LINGO2: variants seen among roughly 807,000 people sequenced by gnomAD.
The protein encoded by LINGO2 is leucine-rich repeat and immunoglobulin-like domain-containing nogo receptor-interacting protein 2.
LINGO2 carries 14 observed loss-of-function variants against 30.6 expected under a neutral mutation model. The ratio of observed to expected loss-of-function variants is 0.46; its 90% CI spans 0.30 to 0.72. The LOEUF is 0.72. Among genes scored for constraint, LINGO2 ranks in the 30% least tolerant of loss-of-function variants. LINGO2 has a pLI of 0.07. For synonymous variants in LINGO2, 317 were observed against 288.5 expected, an observed-to-expected ratio of 1.10 and a Z score of -1.00; for missense variants, 729 against 751.7, an observed-to-expected ratio of 0.97 and a Z score of 0.35.
the LINGO2 span, among the ~76,000 whole-genome samples, chr9:28,873,760 G>C: frequency 6.6e-6 from 1 of 152,038 alleles, no homozygotes; most frequent in South Asian, 2.1e-4. Context: ...AAAAGTAGCT[G>C]TTTTTATTTA....
chr9:28,355,853 T>G (rs1210987883), intron 3 of LINGO2, among the ~76,000 whole-genome samples: 1 of 152,176 alleles, frequency 6.6e-6, no homozygotes, highest in Non-Finnish European at 1.5e-5. Context: ...GTTTGATTTA[T>G]TGTTGCCAGC....
the LINGO2 span, among the ~76,000 whole-genome samples, chr9:28,688,686 C>T: frequency 3.9e-5 from 6 of 152,072 alleles, no homozygotes; most frequent in Admixed American, 1.3e-4. Flanking sequence ...CACAACTAAG[C>T]GCAGGCAGGC....
At chr9:28,987,707 T>TA in the LINGO2 span, among the ~76,000 whole-genome samples, 1 of 152,160 alleles carries the variant, frequency 6.6e-6, no homozygotes, top group Non-Finnish European at 1.5e-5. Context: ...GAACTCTTTT[T>TA]TCTACATCCC....
At chr9:29,199,927 G>A in the LINGO2 span, among the ~76,000 whole-genome samples, 1 of 151,612 alleles carries the variant, frequency 6.6e-6, no homozygotes, top group South Asian at 2.1e-4. Context: ...ATGGTAAACA[G>A]GAAAAAAGTA....
At chr9:28,779,581 C>T in the LINGO2 span, among the ~76,000 whole-genome samples, 2 of 151,860 alleles carry the variant, frequency 1.3e-5, no homozygotes, top group Non-Finnish European at 2.9e-5. Flanking sequence ...AGCCAGAGAC[C>T]CCTTCATTGT....
the LINGO2 span, among the ~76,000 whole-genome samples, chr9:28,735,461 T>G: frequency 6.6e-6 from 1 of 152,168 alleles, no homozygotes; most frequent in Admixed American, 6.5e-5. Flanking sequence ...TTAAGTATAC[T>G]TAGTAAATAT....
the LINGO2 span, among the ~76,000 whole-genome samples, chr9:29,178,411 TTATC>T: frequency 6.6e-6 from 1 of 152,136 alleles, no homozygotes; most frequent in Admixed American, 6.6e-5. Flanking sequence ...ATTCATATAT[TTATC>T]TATCTATTTG....
At chr9:28,505,542 C>A (rs542546379) in intron 1 of LINGO2, among the ~76,000 whole-genome samples, 1 of 151,814 alleles carries the variant, frequency 6.6e-6, no homozygotes, top group Non-Finnish European at 1.5e-5. Flanking sequence ...TGCTATAAGA[C>A]AATTCATATC....
At position 28,107,186 on chromosome 9, in the gene LINGO2, T is replaced by C. The variant is rs185506363; in HGVS notation, c.-86-94781A>G. 8.7e-4 allele frequency among the ~76,000 whole-genome samples: 132 copies of C among 152,338 alleles called. 1 individual carries two copies. Among genetic ancestry groups the C allele is most frequent in the Middle Eastern group, 3.4e-3 (1 of 294 alleles). On this transcript the variant is annotated intron_variant, in intron 4 of 5. Transcript: ENST00000379992. ...ACAACATTTAACAGAAGTATGTCTT[T>C]AGATTTATTTTGTATGATTGTTTGG...
At chr9:28,055,580 TCA>T (rs1824891877) in intron 4 of LINGO2, among the ~76,000 whole-genome samples, 3 of 152,328 alleles carry the variant, frequency 2.0e-5, no homozygotes, top group South Asian at 4.1e-4. Flanking sequence ...GTGTAAGGCT[TCA>T]GTCTAATTTC....
the LINGO2 span, among the ~76,000 whole-genome samples, chr9:29,126,178 T>G: frequency 6.6e-6 from 1 of 152,206 alleles, no homozygotes; most frequent in East Asian, 1.9e-4. Flanking sequence ...TAATAAATAC[T>G]TAGGGGGAAA....
the LINGO2 span, among the ~76,000 whole-genome samples, chr9:28,706,076 A>G: frequency 9.3e-3 from 1,423 of 152,230 alleles, 31 homozygotes; most frequent in East Asian, 0.081. Flanking sequence ...AATCTTCTGT[A>G]TACCATTGAT....
At chr9:28,503,941 TTGAG>T (rs749768185) in intron 1 of LINGO2, among the ~76,000 whole-genome samples, 2 of 151,808 alleles carry the variant, frequency 1.3e-5, no homozygotes, top group African/African-American at 2.4e-5. Context: ...GAAAACATGA[TTGAG>T]TATGAAGACA....
intron 4 of LINGO2, among the ~76,000 whole-genome samples, chr9:28,023,822 G>C (rs1187042849): frequency 6.6e-6 from 1 of 152,118 alleles, no homozygotes; most frequent in Non-Finnish European, 1.5e-5. Flanking sequence ...ACTTACCAAA[G>C]TATGGGGCCC....
At chr9:28,371,218 G>A (rs1285701535) in intron 3 of LINGO2, among the ~76,000 whole-genome samples, 2 of 152,206 alleles carry the variant, frequency 1.3e-5, no homozygotes, top group Non-Finnish European at 2.9e-5. Context: ...AGTACAGTGT[G>A]GAGATGATAG....
chr9:28,743,161 T>C, the LINGO2 span, among the ~76,000 whole-genome samples: 6 of 152,110 alleles, frequency 3.9e-5, no homozygotes, highest in East Asian at 1.2e-3. Flanking sequence ...TCATTCACCA[T>C]CATTTTTATT....
At chr9:28,347,109 G>T (rs1222015363) in intron 3 of LINGO2, among the ~76,000 whole-genome samples, 1 of 151,860 alleles carries the variant, frequency 6.6e-6, no homozygotes, top group Non-Finnish European at 1.5e-5. Flanking sequence ...TTTCCCAAGG[G>T]CAAATAAATC....
chr9:28,358,115 G>C (rs1041143194), intron 3 of LINGO2, among the ~76,000 whole-genome samples: 1 of 152,086 alleles, frequency 6.6e-6, no homozygotes, highest in African/African-American at 2.4e-5. Flanking sequence ...TTTTTAGCTT[G>C]TAAAACAGGT....
chr9:28,341,076 T>C (rs573174834), intron 3 of LINGO2, among the ~76,000 whole-genome samples: 1 of 152,204 alleles, frequency 6.6e-6, no homozygotes, highest in East Asian at 1.9e-4. Context: ...CATACTGTTA[T>C]CTGGATTGTT....
Sources: allele counts gnomAD v4.1 joint callset (sites outside exome capture counted in the v4.1 genomes callset), GRCh38; gene constraint gnomAD v4.1.1; transcripts MANE v1.5; gene names NCBI Gene and HGNC (gene_info 2026-07-23, HGNC 2026-07-21).